Variants in DMKN observed in about 807,000 individuals in gnomAD.
DMKN encodes the protein dermokine.
In DMKN, 58 loss-of-function variants were observed where a neutral mutation model predicts 67.6. The observed-to-expected ratio is 0.86, with a 90% CI of 0.69 to 1.07. The LOEUF (loss-of-function observed/expected upper bound fraction) is 1.07, where lower values mean the gene tolerates loss of function less well. DMKN is among the 50% of genes least tolerant of loss of function. DMKN has a pLI of 0.00. For missense variants in DMKN, 596 were observed against 601.5 expected (o/e 0.99, Z 0.10); for synonymous variants, 240 against 232.3 (o/e 1.03, Z -0.30).
chr19:35,502,718 G>C (rs1017553612), intron 10 of DMKN, 112 bp downstream of exon 10: 1 of 1,070,466 alleles, frequency 9.3e-7, no homozygotes, highest in African/African-American at 1.6e-5. Flanking sequence ...AAAAAAAAGG[G>C]GGGGAGTTTT....
At chr19:35,505,580 C>G (rs1277170854) in intron 9 of DMKN, 138 bp downstream of exon 9, 4 of 1,075,008 alleles carry the variant, frequency 3.7e-6, no homozygotes, top group East Asian at 2.5e-5. Flanking sequence ...TCCTCCACCC[C>G]CAGTGTGTTT....
rs2068696503 is a variant in DMKN at position 35,503,025 on chromosome 19, G to A, written c.1135-139C>T. The A allele has an allele frequency of 4.8e-6, 5 of 1,040,502 alleles. No individual in the cohort carries two copies. The Admixed American group carries it at 1.2e-4, about 24-fold the overall frequency. The allele number at this position is 1,040,502 out of a possible 1,614,324, so 64.5% of individuals were successfully genotyped here. ...GGATGGGAGGAGCTGAGAGTCTTTAGGGACACCAGGAAACCATTTTGGGAA... is the reference window on the plus strand; with the variant it reads ...GGATGGGAGGAGCTGAGAGTCTTTAAGGACACCAGGAAACCATTTTGGGAA... On this transcript the variant is annotated intron_variant, in intron 9 of 15. Coordinates refer to ENST00000339686, the MANE Select transcript of DMKN (RefSeq NM_033317.5).
At chr19:35,500,224 C>T (rs1447474777) in intron 12 of DMKN, 195 bp from the exon 13 acceptor site, 1 of 1,248,656 alleles carries the variant, frequency 8.0e-7, no homozygotes, top group Non-Finnish European at 1.1e-6. Context: ...CCTTTACTGT[C>T]CTAGCCCAAA....
intron 7 of DMKN, chr19:35,506,483 A>G: frequency 1.8e-6 from 1 of 570,118 alleles, no homozygotes. Context: ...GCTAACGTGT[A>G]GTCCCACGGC....
In DMKN at chr19:35,499,826, G is replaced by C. The variant is rs1374181443; in HGVS notation, c.1359+132C>G. ...CCGAGTCTCCCTTGCAAAGGGGTGGGGAGGCCTGGACTCAAAGAGAGCGGG... is the reference window on the plus strand; with the variant it reads ...CCGAGTCTCCCTTGCAAAGGGGTGGCGAGGCCTGGACTCAAAGAGAGCGGG... On this transcript the variant is annotated intron_variant, in intron 13 of 15. Transcript: ENST00000339686. 4.6e-6 allele frequency: 4 copies of C among 877,910 alleles called. 1 individual carries two copies. The African/African-American group carries it at 6.7e-5, about 15-fold the overall frequency. The allele number at this position is 877,910 out of a possible 1,614,324, so 54.4% of individuals were successfully genotyped here. A position where few individuals can be genotyped will look rare whatever the true frequency, so the allele number is the denominator to read the frequency against.
At chr19:35,500,867 T>C (rs8106768) in intron 11 of DMKN, among the ~76,000 whole-genome samples, 87 of 152,288 alleles carry the variant, frequency 5.7e-4, no homozygotes, top group Non-Finnish European at 3.1e-4. Context: ...GCTGCAGCCA[T>C]GCAGGCTCCT....
chr19:35,500,201 C>A, intron 12 of DMKN, 172 bp from the exon 13 acceptor site: 1 of 1,165,644 alleles, frequency 8.6e-7, no homozygotes, highest in East Asian at 2.5e-5. Context: ...GCCAGGGCCC[C>A]CACCCTCACC....
chr19:35,511,239 G>C (rs2070699586), intron 5 of DMKN, among the ~76,000 whole-genome samples, 172 bp downstream of exon 5: 1 of 152,172 alleles, frequency 6.6e-6, no homozygotes, highest in Non-Finnish European at 1.5e-5. Context: ...GCGCATCAGG[G>C]GCACAGCATG....
At chr19:35,505,543 C>T (rs1237163453) in intron 9 of DMKN, among the ~76,000 whole-genome samples, 175 bp downstream of exon 9, 1 of 152,214 alleles carries the variant, frequency 6.6e-6, no homozygotes, top group Non-Finnish European at 1.5e-5. Flanking sequence ...GATTCTCCCC[C>T]TCTTTTCAGG....
chr19:35,510,120 A>G, intron 6 of DMKN, 64 bp downstream of exon 6: 1 of 1,566,738 alleles, frequency 6.4e-7, no homozygotes, highest in Non-Finnish European at 8.7e-7. Context: ...CGATCCTGCG[A>G]GTGAAACCAG....
Position 35,505,725 on chromosome 19 carries a change from A to G in DMKN, c.1127T>C (p.Ile376Thr). The change falls in exon 9 of 16, where the codon ATA becomes ACA. Residue 376 changes from isoleucine to threonine, a missense_variant. Transcript: ENST00000339686. The stretch of plus-strand genomic sequence containing the variant: ...AAGATGTCCAGCCCTTACCTTGTTT[A>G]TGGCATCCCAGTTGATGAAACCCAG... ...SKLGFINWDA[I>T]NKNQVPPPST... 2 of 1,614,158 alleles carry G rather than the reference A, an allele frequency of 1.2e-6. No homozygotes were observed. The highest frequency in any genetic ancestry group is 1.7e-6 in the Non-Finnish European group (2 of 1,180,020).
intron 9 of DMKN, chr19:35,503,270 A>G: frequency 6.7e-7 from 1 of 1,483,590 alleles, no homozygotes; most frequent in Non-Finnish European, 8.9e-7. Flanking sequence ...CCTGGATAAC[A>G]GCGGAGACGT....
intron 11 of DMKN, 110 bp from the exon 12 acceptor site, chr19:35,500,690 T>G: frequency 8.0e-7 from 1 of 1,257,396 alleles, no homozygotes. Flanking sequence ...GTGCTACCTA[T>G]AGAGAAGGCA....
At chr19:35,502,799 C>G (rs756512290) in intron 10 of DMKN, 31 bp downstream of exon 10, 116 of 1,613,312 alleles carry the variant, frequency 7.2e-5, no homozygotes, top group Middle Eastern at 5.0e-4. Flanking sequence ...GGCCAGGCCC[C>G]CAGTTCTTCA....
intron 7 of DMKN, chr19:35,506,209 A>G: frequency 1.3e-6 from 2 of 1,489,594 alleles, no homozygotes; most frequent in Non-Finnish European, 1.8e-6. Flanking sequence ...AGGGGGACCG[A>G]TGTCCAAGGC....
chr19:35,505,948 A>G lies in DMKN; in HGVS notation c.1077T>C (p.Thr359=), dbSNP rs1444591672. ...ETSPGMFNFD[T]FWKNFKSKLG... Reference sequence around the variant, plus strand: ...ATCTCGCAGAACTCACCTTCCAGAAAGTGTCAAAGTTAAACATCCCAGGAG... The same window carrying G: ...ATCTCGCAGAACTCACCTTCCAGAAGGTGTCAAAGTTAAACATCCCAGGAG... The change falls in exon 8 of 16, where the codon ACT becomes ACC. Residue 359 remains threonine, a synonymous_variant. Coordinates refer to ENST00000339686, the MANE Select transcript of DMKN (RefSeq NM_033317.5). 1 of 1,614,176 alleles carries G rather than the reference A, an allele frequency of 6.2e-7. No individual in the cohort carries two copies. The highest frequency in any genetic ancestry group is 1.3e-5 in the African/African-American group (1 of 75,038).
At position 35,512,734 on chromosome 19, in the gene DMKN, G is replaced by A. The variant is rs749439930; in HGVS notation, c.483C>T (p.Gly161=). The A allele has an allele frequency of 3.1e-6, 5 of 1,614,038 alleles. No individual in the cohort carries two copies. In the East Asian group the frequency reaches 8.9e-5, roughly 29 times the overall value. The stretch of plus-strand genomic sequence containing the variant: ...TCCCCAGACCTCCAGGATTGCCCTG[G>A]CCCTGGCCTCCAAGGCCACCTTGAG... ...FGSQGGLGGQ[G]QGNPGGLGTP... The change falls in exon 2 of 16, where the codon GGC becomes GGT. Residue 161 remains glycine, a synonymous_variant. Coordinates refer to ENST00000339686, the MANE Select transcript of DMKN (RefSeq NM_033317.5).
intron 9 of DMKN, chr19:35,503,214 C>G: frequency 6.9e-7 from 1 of 1,441,020 alleles, no homozygotes; most frequent in Non-Finnish European, 9.1e-7. Context: ...CCTCCTCCAG[C>G]CCGTTTCCCG....
rs199854660 is a variant in DMKN at position 35,502,862 on chromosome 19, G to A, written c.1159C>T (p.Arg387Ter). 30 of 1,613,996 alleles carry A rather than the reference G, an allele frequency of 1.9e-5. No individual in the cohort carries two copies. The highest frequency in any genetic ancestry group is 5.5e-5 in the South Asian group (5 of 91,066). The stretch of plus-strand genomic sequence containing the variant: ...AGTCGGCTGAAGTAGAGGAGGGCTC[G>A]GGTGCTGGGGGGCGGGACCTGGTTC... ...NKNQVPPPST[R>*]ALLYFSRLWE... The change falls in exon 10 of 16, where the codon CGA becomes TGA. Residue 387 changes from arginine to a stop codon, truncating the protein, a stop_gained. Coordinates refer to ENST00000339686, the MANE Select transcript of DMKN (RefSeq NM_033317.5). LOFTEE classifies it high-confidence loss of function.
Sources: allele counts gnomAD v4.1 joint callset (sites outside exome capture counted in the v4.1 genomes callset), GRCh38; gene constraint gnomAD v4.1.1; transcripts MANE v1.5; gene names NCBI Gene and HGNC (gene_info 2026-07-23, HGNC 2026-07-21).